The following PRKCG variants were observed in gnomAD, a reference collection of about 807,000 sequenced individuals.
PRKCG encodes the protein protein kinase C gamma type.
A neutral mutation model predicts 82.0 loss-of-function variants in PRKCG; 28 were observed. That is an observed-to-expected ratio of 0.34 (90% confidence interval 0.25 to 0.47). PRKCG has a LOEUF of 0.47. PRKCG is among the 20% of genes least tolerant of loss of function. The pLI is 1.00. For synonymous variants in PRKCG, 383 were observed against 376.6 expected (o/e 1.02, Z -0.20); for missense variants, 640 against 952.7 (o/e 0.67, Z 4.32).
chr19:53,886,458 A>C (rs1415108347), intron 3 of PRKCG, among the ~76,000 whole-genome samples: 1 of 151,436 alleles, frequency 6.6e-6, no homozygotes, highest in Non-Finnish European at 1.5e-5. Flanking sequence ...ACTGGAGTAC[A>C]GTGATGGGAT....
chr19:53,889,947 C>G lies in PRKCG; in HGVS notation c.459C>G (p.Asp153Glu). The stretch of plus-strand genomic sequence containing the variant: ...GCGTGCCCTCCCTGTGCGGTGTGGA[C>G]CACACCGAGCGCCGCGGGCGCCTGC... ...VRSVPSLCGVDHTERRGRLQL... is the reference protein window; with the variant it reads ...VRSVPSLCGVEHTERRGRLQL... The change falls in exon 5 of 18, where the codon GAC becomes GAG. Residue 153 changes from aspartate to glutamate, a missense_variant. By Grantham distance (45) the Asp-to-Glu change is conservative. Around this residue, in one of 7 missense-constraint regions of PRKCG, gnomAD observed 261 missense variants for 312.1 expected, o/e 0.84. Transcript: ENST00000263431. This position sits in a 1 kb window ranked among gnomAD's most constrained non-coding sequence, Gnocchi z 4.4. 1 of 1,578,764 alleles carries G rather than the reference C, an allele frequency of 6.3e-7. No homozygotes were observed. The highest frequency in any genetic ancestry group is 1.2e-5 in the South Asian group (1 of 86,416).
Position 53,884,181 on chromosome 19 carries a change from C to G in PRKCG, c.223C>G (p.Arg75Gly). Residue 75 changes from arginine (R) to glycine (G), a missense_variant, in exon 3 of 18, where the codon CGA becomes GGA. By Grantham distance (125) the Arg-to-Gly change is moderately radical. Transcript: ENST00000263431. This position sits in a 1 kb window ranked among gnomAD's most constrained non-coding sequence, Gnocchi z 4.6. The part of the protein sequence containing the change: ...QCQVCSFVVH[R>G]RCHEFVTFEC... ...TATAGTCTGCAGCTTTGTGGTTCAT[C>G]GACGATGCCACGAATTTGTGACCTT... 1 of 1,614,162 alleles carries G rather than the reference C, an allele frequency of 6.2e-7. No homozygotes were observed. The highest frequency in any genetic ancestry group is 8.5e-7 in the Non-Finnish European group (1 of 1,180,038).
chr19:53,900,880 A>G lies in PRKCG; in HGVS notation c.1575+131A>G. The G allele has an allele frequency of 6.7e-7, 1 of 1,490,472 alleles. No homozygotes were observed. Among genetic ancestry groups the G allele is most frequent in the Non-Finnish European group, 9.2e-7 (1 of 1,082,458 alleles). The allele number at this position is 1,490,472 out of a possible 1,614,324, so 92.3% of individuals were successfully genotyped here. ...TGAGTTGTGGCCTTCTTACACAGCCAGTCGTTCCTCCAGCCTCCAGCACAG... is the reference window on the plus strand; with the variant it reads ...TGAGTTGTGGCCTTCTTACACAGCCGGTCGTTCCTCCAGCCTCCAGCACAG... On this transcript the variant is annotated intron_variant, in intron 14 of 17. Coordinates refer to ENST00000263431, the MANE Select transcript of PRKCG (RefSeq NM_002739.5). This position sits in a 1 kb window ranked among gnomAD's most constrained non-coding sequence, Gnocchi z 4.2.
intron 5 of PRKCG, among the ~76,000 whole-genome samples, chr19:53,891,360 T>C (rs984455351): frequency 1.2e-4 from 18 of 150,834 alleles, no homozygotes; most frequent in Non-Finnish European, 2.2e-4. Context: ...CACTGCAAGC[T>C]CCGACTCCTG....
At position 53,902,539 on chromosome 19, in the gene PRKCG, A is replaced by T. The variant is rs141139383; in HGVS notation, c.1576-534A>T. Reference sequence around the variant, plus strand: ...AGTCTTTCTATTTGAGGCCAAATGAATGTTTGAAGTAGGTATGCTTTGTTT... The same window carrying T: ...AGTCTTTCTATTTGAGGCCAAATGATTGTTTGAAGTAGGTATGCTTTGTTT... On this transcript the variant is annotated intron_variant, in intron 14 of 17. Transcript: ENST00000263431. 4.1e-3 allele frequency among the ~76,000 whole-genome samples: 626 copies of T among 152,316 alleles called. 4 individuals carry two copies. The highest frequency in any genetic ancestry group is 7.2e-3 in the Non-Finnish European group (489 of 68,030).
Position 53,906,424 on chromosome 19 carries a change from A to G in PRKCG, c.1872A>G (p.Arg624=). Residue 624 remains arginine (R), a synonymous_variant, in exon 17 of 18, where the codon CGA becomes CGG. Coordinates refer to ENST00000263431, the MANE Select transcript of PRKCG (RefSeq NM_002739.5). ...FRWIDWERLE[R]LEIPPPFRPR... is the part of the protein sequence containing the mutation. ...GGATTGACTGGGAGCGGCTGGAACG[A>G]TTGGAGATCCCGCCTCCTTTCAGAC... is the stretch of plus-strand genomic sequence containing the variant. 1 of 1,573,638 alleles carries G rather than the reference A, an allele frequency of 6.4e-7. No homozygotes were observed. The highest frequency in any genetic ancestry group is 8.6e-7 in the Non-Finnish European group (1 of 1,159,124).
intron 16 of PRKCG, among the ~76,000 whole-genome samples, chr19:53,906,064 C>T (rs2068804315): frequency 2.7e-5 from 2 of 74,864 alleles, no homozygotes; most frequent in African/African-American, 2.4e-4. Flanking sequence ...CCTCCTCCTC[C>T]TCCTCCTCCT....
intron 16 of PRKCG, among the ~76,000 whole-genome samples, chr19:53,904,968 C>T (rs1474319735): frequency 1.3e-5 from 2 of 152,200 alleles, no homozygotes; most frequent in African/African-American, 2.4e-5. Flanking sequence ...TCCCACTCCC[C>T]AGCTCCCTGC....
intron 9 of PRKCG, among the ~76,000 whole-genome samples, chr19:53,893,602 T>C (rs1263330316): frequency 4.6e-5 from 7 of 151,956 alleles, no homozygotes; most frequent in Non-Finnish European, 1.0e-4. Context: ...CACAGATACT[T>C]AAAATACAGG....
At position 53,889,581 on chromosome 19, in the gene PRKCG, C is replaced by A. The variant is rs1241897709; in HGVS notation, c.286-57C>A. On this transcript the variant is annotated intron_variant, in intron 3 of 17. Coordinates refer to ENST00000263431, the MANE Select transcript of PRKCG (RefSeq NM_002739.5). The surrounding 1 kb of genome is among the most constrained non-coding windows in gnomAD (Gnocchi z 4.4). ...AGGAGGAAAAGATAAAAGGGCCCCTCCCCTGGGGTTTTAGGACCCTCCCAA... is the reference window on the plus strand; with the variant it reads ...AGGAGGAAAAGATAAAAGGGCCCCTACCCTGGGGTTTTAGGACCCTCCCAA... 2 of 1,340,026 alleles carry A rather than the reference C, an allele frequency of 1.5e-6. No individual in the cohort carries two copies. The highest frequency in any genetic ancestry group is 2.1e-6 in the Non-Finnish European group (2 of 934,374). The allele number at this position is 1,340,026 out of a possible 1,614,324, so 83.0% of individuals were successfully genotyped here. A position where few individuals can be genotyped will look rare whatever the true frequency, so the allele number is the denominator to read the frequency against.
At chr19:53,898,791 GT>G (rs1555807843) in intron 11 of PRKCG, among the ~76,000 whole-genome samples, 163 bp downstream of exon 11, 2 of 94,258 alleles carry the variant, frequency 2.1e-5, no homozygotes, top group African/African-American at 4.7e-5. Context: ...CCGGGGGGGG[GT>G]CCTTGGGGGG....
Position 53,884,116 on chromosome 19 carries a change from A to G in PRKCG, c.203-45A>G, listed in dbSNP as rs745500876. On this transcript the variant is annotated intron_variant, in intron 2 of 17. Coordinates refer to ENST00000263431, the MANE Select transcript of PRKCG (RefSeq NM_002739.5). The surrounding 1 kb of genome is among the most constrained non-coding windows in gnomAD (Gnocchi z 4.6). ...TCTGTCTGCTGGGGTCTCCCGCTGGACTAATCCATGCCTCCGTCTGTGTCT... is the reference window on the plus strand; with the variant it reads ...TCTGTCTGCTGGGGTCTCCCGCTGGGCTAATCCATGCCTCCGTCTGTGTCT... The G allele has an allele frequency of 9.4e-6, 15 of 1,591,846 alleles. No individual in the cohort carries two copies. The highest frequency in any genetic ancestry group is 4.0e-5 in the African/African-American group (3 of 74,368).
In PRKCG at chr19:53,903,169, G is replaced by T; in HGVS notation, c.1656+16G>T. Reference sequence around the variant, plus strand: ...GGCAGGACAGGTAAGGGAAGGTGGGGAGAAGCTGGCTTGGCTAAAAGAGAC... The same window carrying T: ...GGCAGGACAGGTAAGGGAAGGTGGGTAGAAGCTGGCTTGGCTAAAAGAGAC... On this transcript the variant is annotated intron_variant, in intron 15 of 17. Transcript: ENST00000263431. 1 of 1,608,562 alleles carries T rather than the reference G, an allele frequency of 6.2e-7. No individual in the cohort carries two copies. Among genetic ancestry groups the T allele is most frequent in the Non-Finnish European group, 8.5e-7 (1 of 1,174,912 alleles).
rs376997688 is a variant in PRKCG at position 53,900,185 on chromosome 19, A to T, written c.1282-48A>T. The T allele has an allele frequency of 6.5e-7, 1 of 1,543,820 alleles. No homozygotes were observed. Among genetic ancestry groups the T allele is most frequent in the African/African-American group, 1.4e-5 (1 of 73,332 alleles). ...GAGTGATCAGGAAAGAAATTCTCCT[A>T]CTCTGGGTAGATGGATCCCGCCTCT... On this transcript the variant is annotated intron_variant, in intron 11 of 17. Transcript: ENST00000263431. The surrounding 1 kb of genome is among the most constrained non-coding windows in gnomAD (Gnocchi z 4.2).
chr19:53,892,231 G>A lies in PRKCG; in HGVS notation c.687-278G>A, dbSNP rs2068681638. Reference sequence around the variant, plus strand: ...GACCCAGAGAGGAGAGAAGGGTACAGAGACTCAGAGAGAGAGATCTCGAGA... The same window carrying A: ...GACCCAGAGAGGAGAGAAGGGTACAAAGACTCAGAGAGAGAGATCTCGAGA... On this transcript the variant is annotated intron_variant, in intron 6 of 17. Coordinates refer to ENST00000263431, the MANE Select transcript of PRKCG (RefSeq NM_002739.5). This position sits in a 1 kb window ranked among gnomAD's most constrained non-coding sequence, Gnocchi z 5.9. 6.6e-6 allele frequency among the ~76,000 whole-genome samples: 1 copy of A among 152,164 alleles called. No homozygotes were observed. Among genetic ancestry groups the A allele is most frequent in the Admixed American group, 6.5e-5 (1 of 15,272 alleles).
At chr19:53,893,720 C>T (rs1288325861) in intron 9 of PRKCG, among the ~76,000 whole-genome samples, 1 of 151,856 alleles carries the variant, frequency 6.6e-6, no homozygotes, top group Admixed American at 6.6e-5. Context: ...GGAGGTGACG[C>T]CTGAATTGAT....
In PRKCG at chr19:53,884,349, G is replaced by C. The variant is rs1241441279; in HGVS notation, c.285+106G>C. ...GCTATTTTTATGGCTGGGAGGGGAG[G>C]GGGGCTGGAGAGATAGGGGGAGCTA... On this transcript the variant is annotated intron_variant, in intron 3 of 17. Coordinates refer to ENST00000263431, the MANE Select transcript of PRKCG (RefSeq NM_002739.5). The surrounding 1 kb of genome is among the most constrained non-coding windows in gnomAD (Gnocchi z 4.6). 3.6e-6 allele frequency: 4 copies of C among 1,116,788 alleles called. No homozygotes were observed. The highest frequency in any genetic ancestry group is 2.5e-5 in the South Asian group (2 of 80,260). 69.2% of individuals were successfully genotyped at this position (1,116,788 alleles called of 1,614,324 possible).
chr19:53,905,004 G>A (rs1252036906), intron 16 of PRKCG, among the ~76,000 whole-genome samples: 1 of 152,136 alleles, frequency 6.6e-6, no homozygotes, highest in African/African-American at 2.4e-5. Flanking sequence ...AAAGTCCAGG[G>A]TGTCTGTCTG....
At chr19:53,903,890 C>T (rs939377025) in intron 15 of PRKCG, among the ~76,000 whole-genome samples, 32 of 152,122 alleles carry the variant, frequency 2.1e-4, no homozygotes, top group African/African-American at 7.7e-4. Flanking sequence ...TGTGCAATTT[C>T]TTATTAATTC....
Sources: gnomAD v4.1 joint callset for allele counts (sites outside exome capture counted in the v4.1 genomes callset) on GRCh38, gnomAD v4.1.1 for gene constraint, gnomAD v4.1.1 regional missense constraint, Gnocchi (gnomAD v3.1) non-coding constraint, MANE v1.5 for transcripts, NCBI Gene and HGNC (gene_info 2026-07-23, HGNC 2026-07-21) for gene names.